RGS6: variants seen among roughly 807,000 people sequenced by gnomAD.
The protein encoded by RGS6 is regulator of G protein signaling 6.
RGS6 carries 30 observed loss-of-function variants against 78.5 expected under a neutral mutation model. The ratio of observed to expected loss-of-function variants is 0.38; its 90% CI spans 0.29 to 0.52. The LOEUF is 0.52. Among genes scored for constraint, RGS6 ranks in the 20% least tolerant of loss-of-function variants. The probability of loss-of-function intolerance (pLI) is 0.85; values close to 1 mark genes in which losing one functional copy is unlikely to be tolerated. For missense variants in RGS6, 495 were observed against 609.7 expected, an observed-to-expected ratio of 0.81 and a Z score of 1.98; for synonymous variants, 206 against 206.0, an observed-to-expected ratio of 1.00 and a Z score of 0.00.
At chr14:71,979,239 AG>A in intron 2 of RGS6, among the ~76,000 whole-genome samples, 1 of 149,242 alleles carries the variant, frequency 6.7e-6, no homozygotes, top group East Asian at 2.0e-4. Flanking sequence ...AATTTTTTGA[AG>A]GGTTTTTTGT....
chr14:72,629,645 G>A, the RGS6 span: 3 of 1,536,058 alleles, frequency 2.0e-6, no homozygotes, highest in South Asian at 3.6e-5. Flanking sequence ...AGGTCCCACA[G>A]AGGATACAGG....
At chr14:72,280,369 A>G (rs1169331456) in intron 2 of RGS6, among the ~76,000 whole-genome samples, 1 of 152,240 alleles carries the variant, frequency 6.6e-6, no homozygotes, top group African/African-American at 2.4e-5. Context: ...ATGACCCTTG[A>G]AATCACATGT....
chr14:71,911,653 A>G, the RGS6 span, among the ~76,000 whole-genome samples: 1 of 152,218 alleles, frequency 6.6e-6, no homozygotes, highest in South Asian at 2.1e-4. Context: ...ACATCCACTC[A>G]GCAGCATTAC....
rs148700165 is a variant in RGS6, at chr14:72,548,278, G to A, written c.1422+8184G>A. ...GAATTATATTTGGAAAGCATTTCCC[G>A]CAGCTGGGATGATGGGTCAAAAACA... On this transcript the variant is annotated intron_variant, in intron 17 of 17. Coordinates refer to ENST00000553525, the MANE Select transcript of RGS6 (RefSeq NM_001204424.2). Among the ~76,000 whole-genome samples the A allele has an allele frequency of 8.6e-5, 13 of 152,044 alleles. No individual in the cohort carries two copies. In the East Asian group the frequency reaches 1.4e-3, roughly 16 times the overall value.
intron 2 of RGS6, among the ~76,000 whole-genome samples, chr14:72,041,609 C>T (rs936339418): frequency 2.0e-5 from 3 of 152,166 alleles, no homozygotes; most frequent in Non-Finnish European, 4.4e-5. Flanking sequence ...TTGTTTTCTC[C>T]CAATTCATTG....
At chr14:72,342,725 C>CAAAAAAAAAAAAAAAAAAAA (rs58717636) in intron 2 of RGS6, among the ~76,000 whole-genome samples, 1 of 71,412 alleles carries the variant, frequency 1.4e-5, no homozygotes, top group Non-Finnish European at 2.5e-5. Context: ...GGCTTTGTCT[C>CAAAAAAAAAAAAAAAAAAAA]AAAAAAAAAA....
intron 2 of RGS6, among the ~76,000 whole-genome samples, chr14:72,084,728 C>T (rs2094955715): frequency 6.7e-6 from 1 of 149,134 alleles, no homozygotes; most frequent in Non-Finnish European, 1.5e-5. Context: ...GGTCAAAGCT[C>T]ATTCATTGAT....
intron 2 of RGS6, among the ~76,000 whole-genome samples, chr14:72,121,978 GC>G (rs1378722194): frequency 3.3e-5 from 5 of 152,214 alleles, no homozygotes; most frequent in African/African-American, 9.6e-5. Context: ...GTGGATAGGG[GC>G]CAGGGATATT....
At chr14:72,610,078 A>G in the RGS6 span, among the ~76,000 whole-genome samples, 1 of 152,188 alleles carries the variant, frequency 6.6e-6, no homozygotes, top group South Asian at 2.1e-4. Flanking sequence ...TGTGAGGTAA[A>G]AGAGACAAGC....
the RGS6 span, among the ~76,000 whole-genome samples, chr14:71,909,478 G>T: frequency 6.6e-6 from 1 of 151,380 alleles, no homozygotes; most frequent in South Asian, 2.1e-4. Context: ...ACATACACCT[G>T]CACAGAGAGA....
At chr14:72,373,459 A>G (rs1024259604) in intron 3 of RGS6, among the ~76,000 whole-genome samples, 18 of 152,206 alleles carry the variant, frequency 1.2e-4, no homozygotes, top group African/African-American at 4.3e-4. Context: ...ATAGAAAGTG[A>G]GAATTCAGGA....
At chr14:72,543,885 G>A (rs1369560596) in intron 17 of RGS6, among the ~76,000 whole-genome samples, 3 of 152,178 alleles carry the variant, frequency 2.0e-5, no homozygotes, top group East Asian at 1.9e-4. Context: ...ACAGGCACAC[G>A]CCACCACACC....
At chr14:72,410,033 T>A (rs1049294310) in intron 3 of RGS6, among the ~76,000 whole-genome samples, 2 of 152,228 alleles carry the variant, frequency 1.3e-5, no homozygotes, top group African/African-American at 4.8e-5. Flanking sequence ...TACATGTGCA[T>A]GTGTCTTTAT....
intron 2 of RGS6, among the ~76,000 whole-genome samples, chr14:72,248,429 T>C (rs1248899248): frequency 1.3e-5 from 2 of 152,216 alleles, no homozygotes; most frequent in Non-Finnish European, 2.9e-5. Context: ...TTATTGCTAA[T>C]TTTAAATCAA....
intron 2 of RGS6, among the ~76,000 whole-genome samples, chr14:72,191,025 G>A (rs1197139040): frequency 3.3e-5 from 5 of 152,054 alleles, no homozygotes; most frequent in African/African-American, 7.3e-5. Flanking sequence ...TTGCATGGAA[G>A]GTCTTCATTA....
At chr14:72,087,242 T>C (rs954193057) in intron 2 of RGS6, among the ~76,000 whole-genome samples, 2 of 152,174 alleles carry the variant, frequency 1.3e-5, no homozygotes, top group Non-Finnish European at 2.9e-5. Flanking sequence ...GTGATTCTCT[T>C]GCCTCAGCCT....
intron 1 of RGS6, among the ~76,000 whole-genome samples, chr14:71,956,602 C>A (rs1434844127): frequency 6.6e-6 from 1 of 152,016 alleles, no homozygotes; most frequent in African/African-American, 2.4e-5. Flanking sequence ...TCAGTCTCAC[C>A]TTTTCATGTT....
At chr14:72,203,023 C>T (rs577552154) in intron 2 of RGS6, among the ~76,000 whole-genome samples, 7 of 152,104 alleles carry the variant, frequency 4.6e-5, no homozygotes, top group South Asian at 2.1e-4. Flanking sequence ...TACAGGCGCC[C>T]GCCACCACAC....
At position 72,566,353 on chromosome 14, in the gene RGS6, G is replaced by A. The variant is rs1199299091; in HGVS notation, c.*3886G>A. 1 of 152,168 alleles carries A rather than the reference G, an allele frequency of 6.6e-6. No homozygotes were observed. Among genetic ancestry groups the A allele is most frequent in the African/African-American group, 2.4e-5 (1 of 41,418 alleles). The allele number at this position is 152,168 out of a possible 1,614,324, so 9.4% of individuals were successfully genotyped here. ...GAGGGAAGGCCCTGCTCCATACCAG[G>A]GGTCCCTGTTCTATACTCTAAGCCC... On this transcript the variant is annotated 3_prime_UTR_variant, in exon 18 of 18. Transcript: ENST00000553525.
Sources: allele counts gnomAD v4.1 joint callset (sites outside exome capture counted in the v4.1 genomes callset), GRCh38; gene constraint gnomAD v4.1.1; transcripts MANE v1.5; gene names NCBI Gene and HGNC (gene_info 2026-07-23, HGNC 2026-07-21).